The following ERC1 variants were observed in gnomAD, a reference collection of about 807,000 sequenced individuals.
ERC1 encodes RAB6 interacting protein 2.
A neutral mutation model predicts 132.0 loss-of-function variants in ERC1; 56 were observed. The observed-to-expected ratio is 0.42, with a 90% CI of 0.34 to 0.53. The LOEUF (loss-of-function observed/expected upper bound fraction) is 0.53, where lower values mean the gene tolerates loss of function less well. Among genes scored for constraint, ERC1 ranks in the 20% least tolerant of loss-of-function variants. The pLI, the probability that ERC1 is intolerant of heterozygous loss-of-function variation, is 0.03. For synonymous variants in ERC1, 478 were observed against 476.1 expected (o/e 1.00, Z -0.05); for missense variants, 1,202 against 1,349.9 (o/e 0.89, Z 1.72).
chr12:1,010,884 C>T (rs542901402), intron 1 of ERC1, among the ~76,000 whole-genome samples: 23 of 152,248 alleles, frequency 1.5e-4, no homozygotes, highest in Admixed American at 4.6e-4. Context: ...CCATTCCACC[C>T]GTTTCTTGGA....
At chr12:1,010,824 C>T in intron 1 of ERC1, among the ~76,000 whole-genome samples, 1 of 152,056 alleles carries the variant, frequency 6.6e-6, no homozygotes, top group Non-Finnish European at 1.5e-5. Context: ...TGATGCTCTG[C>T]AAATTCTTTT....
intron 18 of ERC1, among the ~76,000 whole-genome samples, chr12:1,482,301 A>C (rs1164342348): frequency 6.6e-6 from 1 of 152,090 alleles, no homozygotes; most frequent in Non-Finnish European, 1.5e-5. Flanking sequence ...TGCTGTCAAG[A>C]AAATACCCAC....
chr12:1,203,399 T>C (rs1957092205), intron 12 of ERC1, among the ~76,000 whole-genome samples: 1 of 152,192 alleles, frequency 6.6e-6, no homozygotes, highest in Non-Finnish European at 1.5e-5. Flanking sequence ...TCAGGCACCA[T>C]GTGATTGCCA....
chr12:1,433,669 G>A (rs1215510326), intron 17 of ERC1, among the ~76,000 whole-genome samples: 1 of 152,140 alleles, frequency 6.6e-6, no homozygotes, highest in African/African-American at 2.4e-5. Context: ...TTGCTTAAAC[G>A]AACAAGATGG....
intron 12 of ERC1, among the ~76,000 whole-genome samples, chr12:1,204,838 T>A (rs766122754): frequency 1.3e-5 from 2 of 152,184 alleles, no homozygotes; most frequent in Admixed American, 6.5e-5. Flanking sequence ...GTGGAGACAT[T>A]CTGGCTATTA....
intron 13 of ERC1, among the ~76,000 whole-genome samples, chr12:1,254,183 T>G (rs1341466918): frequency 1.3e-5 from 2 of 152,228 alleles, no homozygotes; most frequent in African/African-American, 4.8e-5. Context: ...TGATATGAAC[T>G]ATTTAAAATG....
chr12:1,149,438 G>A (rs909739326), intron 8 of ERC1, among the ~76,000 whole-genome samples: 3 of 152,086 alleles, frequency 2.0e-5, no homozygotes, highest in African/African-American at 7.2e-5. Flanking sequence ...TCACTGTGTT[G>A]CCCAGGCTGG....
chr12:1,365,244 A>G (rs2086544562), intron 15 of ERC1, among the ~76,000 whole-genome samples: 1 of 152,172 alleles, frequency 6.6e-6, no homozygotes, highest in Admixed American at 6.5e-5. Flanking sequence ...TAAGTTGCCC[A>G]AAGCTCATGG....
At chr12:1,330,682 G>A (rs909869940) in intron 15 of ERC1, among the ~76,000 whole-genome samples, 2 of 151,682 alleles carry the variant, frequency 1.3e-5, no homozygotes, top group African/African-American at 4.9e-5. Context: ...ATTTACACAG[G>A]ACATGCAGCC....
At chr12:1,083,900 A>G (rs756693267) in intron 3 of ERC1, among the ~76,000 whole-genome samples, 2 of 152,234 alleles carry the variant, frequency 1.3e-5, no homozygotes, top group Non-Finnish European at 2.9e-5. Context: ...CATAGAGACA[A>G]CAAACACAAC....
intron 15 of ERC1, among the ~76,000 whole-genome samples, chr12:1,338,366 G>A (rs1051346781): frequency 4.6e-5 from 7 of 152,186 alleles, no homozygotes; most frequent in South Asian, 2.1e-4. Context: ...TTCTTATAGT[G>A]TGTTTTTCAG....
chr12:1,185,590 A>T (rs1284134231), intron 11 of ERC1, among the ~76,000 whole-genome samples: 1 of 152,122 alleles, frequency 6.6e-6, no homozygotes, highest in African/African-American at 2.4e-5. Context: ...CCAGTGAGTG[A>T]CCTAGCCAAG....
At chr12:1,440,291 G>GC (rs1197721140) in intron 17 of ERC1, among the ~76,000 whole-genome samples, 11 of 132,296 alleles carry the variant, frequency 8.3e-5, no homozygotes, top group East Asian at 4.8e-4. Flanking sequence ...TGCAAGCTCC[G>GC]CCTCCTGGGT....
chr12:1,287,265 G>A (rs2079097575), intron 14 of ERC1, among the ~76,000 whole-genome samples: 1 of 152,124 alleles, frequency 6.6e-6, no homozygotes, highest in African/African-American at 2.4e-5. Flanking sequence ...GATGGATTAA[G>A]GACTAAACAT....
chr12:1,039,595 GGT>G (rs1350590782), intron 2 of ERC1, among the ~76,000 whole-genome samples: 3 of 151,958 alleles, frequency 2.0e-5, no homozygotes, highest in Non-Finnish European at 2.9e-5. Flanking sequence ...AGTGAACCAT[GGT>G]ATTGAGATTG....
chr12:1,016,782 C>G, intron 1 of ERC1, among the ~76,000 whole-genome samples: 1 of 151,326 alleles, frequency 6.6e-6, no homozygotes. Flanking sequence ...TCCCAAGTAG[C>G]TGGGTTTACA....
chr12:1,410,059 G>A (rs1294445841), intron 17 of ERC1, among the ~76,000 whole-genome samples: 2 of 152,034 alleles, frequency 1.3e-5, no homozygotes, highest in Admixed American at 6.6e-5. Context: ...CTAATACAAT[G>A]TAAATACTGT....
At chr12:1,183,848 TAAAAA>T (rs1006726424) in intron 11 of ERC1, among the ~76,000 whole-genome samples, 1 of 151,704 alleles carries the variant, frequency 6.6e-6, no homozygotes, top group Admixed American at 6.6e-5. Flanking sequence ...CCCCATCTCT[TAAAAA>T]AAGAAAAAAC....
chr12:1,041,270 T>C (rs1970173633), intron 2 of ERC1, among the ~76,000 whole-genome samples: 1 of 151,864 alleles, frequency 6.6e-6, no homozygotes, highest in East Asian at 1.9e-4. Flanking sequence ...TGCAGTGGCA[T>C]GATCTTGGCT....
Sources: allele counts gnomAD v4.1 joint callset (sites outside exome capture counted in the v4.1 genomes callset), GRCh38; gene constraint gnomAD v4.1.1; transcripts MANE v1.5; gene names NCBI Gene and HGNC (gene_info 2026-07-23, HGNC 2026-07-21).